The following ATR variants were observed in gnomAD, a reference collection of about 807,000 sequenced individuals.
The protein encoded by ATR is ATR checkpoint kinase, also known as serine/threonine-protein kinase ATR.
Under a neutral mutation model 305.3 loss-of-function variants are expected in ATR, and 142 were observed. The observed-to-expected ratio is 0.47, with a 90% CI of 0.41 to 0.53. The LOEUF (loss-of-function observed/expected upper bound fraction) is 0.53, where lower values mean the gene tolerates loss of function less well. Among genes scored for constraint, ATR ranks in the 20% least tolerant of loss-of-function variants. The pLI is 0.00. For missense variants in ATR, 2,135 were observed against 3,133.1 expected, an observed-to-expected ratio of 0.68 and a Z score of 7.60; for synonymous variants, 1,050 against 1,068.1, an observed-to-expected ratio of 0.98 and a Z score of 0.33.
At chr3:142,550,329 G>A in intron 13 of ATR, 27 bp from the exon 14 acceptor site, 2 of 1,608,692 alleles carry the variant, frequency 1.2e-6, no homozygotes, top group Admixed American at 1.7e-5. Context: ...TTTATTGTGA[G>A]TTTTCACACA....
chr3:142,484,253 G>T (rs1480469757), intron 36 of ATR, among the ~76,000 whole-genome samples: 1 of 152,182 alleles, frequency 6.6e-6, no homozygotes, highest in Admixed American at 6.5e-5. Context: ...GCCAAGAAAA[G>T]TCTGAACAGA....
chr3:142,515,959 G>C (rs1392906358), intron 24 of ATR, among the ~76,000 whole-genome samples: 1 of 152,142 alleles, frequency 6.6e-6, no homozygotes, highest in Admixed American at 6.5e-5. Flanking sequence ...AAGCTCAGAA[G>C]TTTCCAATGA....
At chr3:142,538,375 C>A in intron 19 of ATR, 107 bp downstream of exon 19, 2 of 1,245,526 alleles carry the variant, frequency 1.6e-6, no homozygotes, top group Non-Finnish European at 2.2e-6. Flanking sequence ...ATTGATAAAC[C>A]CTGAAATTCA....
At position 142,547,813 on chromosome 3, in the gene ATR, A is replaced by C. The variant is rs2034328511; in HGVS notation, c.3269T>G (p.Val1090Gly). The C allele has an allele frequency of 6.2e-7, 1 of 1,613,900 alleles. No individual in the cohort carries two copies. The highest frequency in any genetic ancestry group is 8.5e-7 in the Non-Finnish European group (1 of 1,179,908). ...GGCAAGTATTGACAAACCATTAAAA[A>C]CCTGTTGATAGTGTTCTCCAATACG... ...LLRIGEHYQQ[V>G]FNGLSILASF... The change falls in exon 16 of 47, where the codon GTT becomes GGT. Residue 1090 changes from valine (V) to glycine (G), a missense_variant. Val to Gly is a moderately radical substitution (Grantham distance 109). Coordinates refer to ENST00000350721, the MANE Select transcript of ATR (RefSeq NM_001184.4).
chr3:142,453,410 G>T (rs972809713), intron 45 of ATR, among the ~76,000 whole-genome samples, 177 bp from the exon 46 acceptor site: 2 of 152,132 alleles, frequency 1.3e-5, no homozygotes, highest in African/African-American at 4.8e-5. Context: ...GGTAAGAGAA[G>T]GGAAGGCAGG....
intron 16 of ATR, among the ~76,000 whole-genome samples, chr3:142,543,081 G>A (rs1241129175): frequency 6.6e-6 from 1 of 152,112 alleles, no homozygotes; most frequent in African/African-American, 2.4e-5. Flanking sequence ...GTCGGGATGT[G>A]GGGTGGAGAG....
intron 16 of ATR, 84 bp downstream of exon 16, chr3:142,547,640 CA>C: frequency 6.8e-7 from 1 of 1,470,762 alleles, no homozygotes; most frequent in Middle Eastern, 1.8e-4. Context: ...AGAAAATGAC[CA>C]AAAATATGAT....
chr3:142,499,295 C>CTT (rs535115635), intron 31 of ATR: 287 of 253,726 alleles, frequency 1.1e-3, no homozygotes, highest in South Asian at 1.7e-3. Context: ...ATTAAAACCG[C>CTT]TTTTTTTTTT....
intron 19 of ATR, among the ~76,000 whole-genome samples, chr3:142,537,842 A>T (rs1440891513): frequency 6.6e-6 from 1 of 152,200 alleles, no homozygotes; most frequent in Non-Finnish European, 1.5e-5. Flanking sequence ...GTCAATAGTA[A>T]TCCACACTGG....
chr3:142,466,287 A>C, intron 40 of ATR, 37 bp downstream of exon 40: 1 of 1,576,426 alleles, frequency 6.3e-7, no homozygotes, highest in Non-Finnish European at 8.7e-7. Context: ...TTAACAACTA[A>C]ATTTTAAAAT....
At chr3:142,500,699 A>G (rs527746614) in intron 30 of ATR, among the ~76,000 whole-genome samples, 1 of 152,210 alleles carries the variant, frequency 6.6e-6, no homozygotes, top group Non-Finnish European at 1.5e-5. Context: ...AATAGAAGCT[A>G]GAGGATTCCA....
rs558689029 is a variant in ATR at position 142,479,508 on chromosome 3, G to C, written c.6221+5632C>G. 8.5e-5 allele frequency among the ~76,000 whole-genome samples: 13 copies of C among 152,254 alleles called. No individual in the cohort carries two copies. The East Asian group carries it at 1.5e-3, about 18-fold the overall frequency. The stretch of plus-strand genomic sequence containing the variant: ...GTGGGTAACCCGACCTTTCTCTCTG[G>C]CTGCCCTTAACGTTCGTTCCTTCAT... On this transcript the variant is annotated intron_variant, in intron 36 of 46. Coordinates refer to ENST00000350721, the MANE Select transcript of ATR (RefSeq NM_001184.4).
intron 35 of ATR, among the ~76,000 whole-genome samples, chr3:142,492,057 T>A (rs866931555): frequency 4.6e-5 from 7 of 152,238 alleles, no homozygotes; most frequent in Admixed American, 1.3e-4. Flanking sequence ...GTTGTCTTGC[T>A]TTAAAGAGTG....
chr3:142,457,905 A>G (rs966139295), intron 44 of ATR, 150 bp from the exon 45 acceptor site: 25 of 849,272 alleles, frequency 2.9e-5, no homozygotes, highest in Non-Finnish European at 7.2e-6. Flanking sequence ...TGTAACATGA[A>G]GGAGCCATGT....
intron 34 of ATR, among the ~76,000 whole-genome samples, chr3:142,493,992 C>G (rs1366899331): frequency 1.3e-5 from 2 of 151,084 alleles, no homozygotes; most frequent in East Asian, 3.9e-4. Context: ...TATGATCATG[C>G]CACTGCACTC....
intron 13 of ATR, among the ~76,000 whole-genome samples, chr3:142,552,696 A>G (rs1004903512): frequency 1.3e-5 from 2 of 150,040 alleles, no homozygotes; most frequent in African/African-American, 4.9e-5. Flanking sequence ...AAGCAAAGTC[A>G]TGGAGTTAAC....
At chr3:142,518,958 G>A (rs2033027050) in intron 24 of ATR, among the ~76,000 whole-genome samples, 1 of 152,018 alleles carries the variant, frequency 6.6e-6, no homozygotes, top group Admixed American at 6.6e-5. Context: ...ATATTCATGA[G>A]GAGAAATTGG....
At chr3:142,475,760 T>C (rs2071424263) in intron 36 of ATR, among the ~76,000 whole-genome samples, 1 of 152,194 alleles carries the variant, frequency 6.6e-6, no homozygotes, top group South Asian at 2.1e-4. Flanking sequence ...CCAGCACCTG[T>C]TGTTTCCTGA....
chr3:142,466,368 G>T lies in ATR; in HGVS notation c.6853C>A (p.Pro2285Thr). 6.2e-7 allele frequency: 1 copy of T among 1,613,910 alleles called. No individual in the cohort carries two copies. Among genetic ancestry groups the T allele is most frequent in the Non-Finnish European group, 8.5e-7 (1 of 1,179,914 alleles). Residue 2285 changes from proline (P) to threonine (T), a missense_variant, in exon 40 of 47, where the codon CCA becomes ACA. Coordinates refer to ENST00000350721, the MANE Select transcript of ATR (RefSeq NM_001184.4). Reference protein sequence around the residue: ...GTHANHASHEPFPGHWAYIAG... With the variant: ...GTHANHASHETFPGHWAYIAG... ...ATATAGGCCCAATGTCCAGGAAATGGTTCATGGCTAGCATGGTTAGCATGG... is the reference window on the plus strand; with the variant it reads ...ATATAGGCCCAATGTCCAGGAAATGTTTCATGGCTAGCATGGTTAGCATGG...
Sources: gnomAD v4.1 joint callset for allele counts (sites outside exome capture counted in the v4.1 genomes callset) on GRCh38, gnomAD v4.1.1 for gene constraint, MANE v1.5 for transcripts, NCBI Gene and HGNC (gene_info 2026-07-23, HGNC 2026-07-21) for gene names.